CABIN1: variants seen among roughly 807,000 people sequenced by gnomAD.
CABIN1 encodes calcineurin binding protein 1.
CABIN1 carries 133 observed loss-of-function variants against 227.7 expected under a neutral mutation model. The ratio of observed to expected loss-of-function variants is 0.58; its 90% CI spans 0.51 to 0.67. CABIN1 has a LOEUF of 0.67. Ranked by LOEUF, CABIN1 falls within the 30% of genes least tolerant of loss-of-function variation. The pLI is 0.00. For missense variants in CABIN1, 2,408 were observed against 2,852.5 expected, an observed-to-expected ratio of 0.84 and a Z score of 3.55; for synonymous variants, 1,086 against 1,155.1, an observed-to-expected ratio of 0.94 and a Z score of 1.21.
rs575607604 is a variant in CABIN1 at position 24,048,363 on chromosome 22, G to A, written c.527-728G>A. ...TGTAGTGGCTGCTTGGCAACCTATT[G>A]TGTGGAATTGGACATACTTTATTTA... is the stretch of plus-strand genomic sequence containing the variant. On this transcript the variant is annotated intron_variant, in intron 6 of 36. Transcript: ENST00000263119. Among the ~76,000 whole-genome samples the A allele has an allele frequency of 8.5e-5, 13 of 152,214 alleles. No individual in the cohort carries two copies. The East Asian group carries it at 2.1e-3, about 25-fold the overall frequency.
chr22:24,092,430 G>A (rs537981376), intron 24 of CABIN1, among the ~76,000 whole-genome samples: 2 of 152,124 alleles, frequency 1.3e-5, no homozygotes, highest in Non-Finnish European at 2.9e-5. Context: ...GCAGTCTTGT[G>A]AGGCAGGCTG....
intron 29 of CABIN1, among the ~76,000 whole-genome samples, chr22:24,162,727 T>G (rs1335340018): frequency 2.0e-5 from 3 of 152,244 alleles, no homozygotes; most frequent in African/African-American, 7.2e-5. Context: ...CCTTCTGATT[T>G]TCCATGGACT....
intron 15 of CABIN1, among the ~76,000 whole-genome samples, chr22:24,065,884 A>G (rs953834058): frequency 6.6e-6 from 1 of 152,218 alleles, no homozygotes; most frequent in Non-Finnish European, 1.5e-5. Flanking sequence ...CACGCCTGCA[A>G]TCGCAGGCAC....
chr22:24,126,087 C>T (rs2043706945), intron 28 of CABIN1, among the ~76,000 whole-genome samples: 1 of 152,200 alleles, frequency 6.6e-6, no homozygotes. Flanking sequence ...TCCCACAAGC[C>T]ATGACATGGC....
intron 14 of CABIN1, 152 bp from the exon 15 acceptor site, chr22:24,063,883 A>G (rs2039384993): frequency 3.5e-6 from 3 of 865,752 alleles, no homozygotes; most frequent in African/African-American, 3.3e-5. Context: ...CCCAAGCTAC[A>G]TGCCAGGCCT....
At chr22:24,048,672 C>T (rs563104415) in intron 6 of CABIN1, among the ~76,000 whole-genome samples, 1 of 152,332 alleles carries the variant, frequency 6.6e-6, no homozygotes, top group East Asian at 1.9e-4. Flanking sequence ...CTGCCCAACT[C>T]GGCCTCTAGA....
chr22:24,057,331 T>C (rs1392309523), intron 10 of CABIN1, among the ~76,000 whole-genome samples: 1 of 152,156 alleles, frequency 6.6e-6, no homozygotes, highest in Admixed American at 6.5e-5. Context: ...TGCCAGTGGG[T>C]TGGTTTCTTA....
intron 29 of CABIN1, among the ~76,000 whole-genome samples, chr22:24,139,085 A>T (rs1161525602): frequency 1.3e-5 from 2 of 152,208 alleles, no homozygotes; most frequent in Non-Finnish European, 2.9e-5. Context: ...ATATCTTGTC[A>T]TATATATCAT....
intron 29 of CABIN1, among the ~76,000 whole-genome samples, chr22:24,154,968 G>T (rs1247274541): frequency 2.6e-5 from 4 of 152,070 alleles, no homozygotes; most frequent in African/African-American, 9.7e-5. Flanking sequence ...GAGGAACGGC[G>T]CTATGTGATA....
At chr22:24,047,803 T>A (rs2038014367) in intron 6 of CABIN1, among the ~76,000 whole-genome samples, 1 of 152,250 alleles carries the variant, frequency 6.6e-6, no homozygotes, top group South Asian at 2.1e-4. Context: ...TAGTTATTCT[T>A]GATAGGAGTG....
At chr22:24,074,314 A>G (rs926290491) in intron 18 of CABIN1, among the ~76,000 whole-genome samples, 7 of 152,194 alleles carry the variant, frequency 4.6e-5, no homozygotes, top group Non-Finnish European at 8.8e-5. Flanking sequence ...AGTACATCAA[A>G]GAAAGAGAGA....
intron 29 of CABIN1, among the ~76,000 whole-genome samples, chr22:24,163,636 T>G (rs1312405561): frequency 6.6e-6 from 1 of 152,182 alleles, no homozygotes; most frequent in East Asian, 1.9e-4. Context: ...GCCTCCTTAA[T>G]GCCTGTTTCC....
rs1395817786 is a variant in CABIN1, at chr22:24,025,161, A to G, written c.-74-10283A>G. 3.9e-5 allele frequency among the ~76,000 whole-genome samples: 6 copies of G among 152,282 alleles called. No individual in the cohort carries two copies. The East Asian group carries it at 5.8e-4, about 15-fold the overall frequency. ...GTATTATAGTATGGATAATGTTGGA[A>G]GTCAGATTTCTGACTTTTTCTTGTT... On this transcript the variant is annotated intron_variant, in intron 1 of 36. Transcript: ENST00000263119.
At chr22:24,037,100 A>G (rs1381104878) in intron 3 of CABIN1, among the ~76,000 whole-genome samples, 1 of 151,958 alleles carries the variant, frequency 6.6e-6, no homozygotes, top group Non-Finnish European at 1.5e-5. Flanking sequence ...TCTCTACTCA[A>G]AGTATAAAAA....
At chr22:24,024,193 A>T (rs548704737) in intron 1 of CABIN1, among the ~76,000 whole-genome samples, 2 of 152,062 alleles carry the variant, frequency 1.3e-5, no homozygotes, top group Non-Finnish European at 2.9e-5. Context: ...TCCTTTGCAT[A>T]AAAGTTTTTT....
At chr22:24,105,003 A>G (rs944220557) in intron 26 of CABIN1, among the ~76,000 whole-genome samples, 2 of 152,196 alleles carry the variant, frequency 1.3e-5, no homozygotes, top group Non-Finnish European at 2.9e-5. Context: ...GAGGAAACAC[A>G]CTTAAAGAGA....
intron 27 of CABIN1, among the ~76,000 whole-genome samples, chr22:24,115,887 C>T (rs144606878): frequency 6.6e-6 from 1 of 152,156 alleles, no homozygotes; most frequent in African/African-American, 2.4e-5. Context: ...CCCTCACTCA[C>T]GCGTATTTGT....
At position 24,098,053 on chromosome 22, in the gene CABIN1, A is replaced by C. The variant is rs987485910; in HGVS notation, c.3978A>C (p.Ser1326=). The change falls in exon 26 of 37, where the codon TCA becomes TCC. Residue 1326 remains serine (S), a synonymous_variant. Coordinates refer to ENST00000263119, the MANE Select transcript of CABIN1 (RefSeq NM_012295.4). ...TGGTGGACGAGGACTCCCACTCTTC[A>C]GCTGGGACACTGCCGGGCCCCGGAG... is the stretch of plus-strand genomic sequence containing the variant. ...ACLVDEDSHS[S]AGTLPGPGAS... is the part of the protein sequence containing the mutation. 13 of 1,614,034 alleles carry C rather than the reference A, an allele frequency of 8.1e-6. No homozygotes were observed. The highest frequency in any genetic ancestry group is 9.3e-6 in the Non-Finnish European group (11 of 1,180,024).
intron 24 of CABIN1, among the ~76,000 whole-genome samples, chr22:24,093,709 A>G (rs2041702449): frequency 6.6e-6 from 1 of 151,806 alleles, no homozygotes; most frequent in Non-Finnish European, 1.5e-5. Context: ...AGACCCCCCC[A>G]TCTCTACAAA....
Sources: allele counts gnomAD v4.1 joint callset (sites outside exome capture counted in the v4.1 genomes callset), GRCh38; gene constraint gnomAD v4.1.1; transcripts MANE v1.5; gene names NCBI Gene and HGNC (gene_info 2026-07-23, HGNC 2026-07-21).